PMPCA: variants seen among roughly 807,000 people sequenced by gnomAD.
The protein encoded by PMPCA is mitochondrial-processing peptidase subunit alpha.
Under a neutral mutation model 59.3 loss-of-function variants are expected in PMPCA, and 47 were observed. The observed-to-expected ratio is 0.79, with a 90% CI of 0.63 to 1.01. The LOEUF (loss-of-function observed/expected upper bound fraction) is 1.01, where lower values mean the gene tolerates loss of function less well. Ranked by LOEUF, PMPCA falls within the 50% of genes least tolerant of loss-of-function variation. The pLI is 0.00. For missense variants in PMPCA, 726 were observed against 704.5 expected, an observed-to-expected ratio of 1.03 and a Z score of -0.34; for synonymous variants, 338 against 290.3, an observed-to-expected ratio of 1.16 and a Z score of -1.67.
Position 136,410,744 on chromosome 9 carries a change from G to A in PMPCA, c.71+5G>A. 1 of 1,408,280 alleles carries A rather than the reference G, an allele frequency of 7.1e-7. No individual in the cohort carries two copies. 87.2% of individuals were successfully genotyped at this position (1,408,280 alleles called of 1,614,324 possible). A position where few individuals can be genotyped will look rare whatever the true frequency, so the allele number is the denominator to read the frequency against. ...TTGGGGCTGTTCGCGGCTGAGGTGA[G>A]CCAAAGGCGAACCAGGCTTCGGCCT... On this transcript the variant is annotated splice_donor_5th_base_variant and intron_variant, in intron 1 of 12. Transcript: ENST00000371717.
Position 136,423,354 on chromosome 9 carries a change from C to T in PMPCA, c.*90C>T, listed in dbSNP as rs1318551150. ...TTGGACACGAATTTAGTCTAAAAAG[C>T]TGTCTGGTTGTATAAACGGTGCAAA... On this transcript the variant is annotated 3_prime_UTR_variant, in exon 13 of 13. Coordinates refer to ENST00000371717, the MANE Select transcript of PMPCA (RefSeq NM_015160.3). 7.4e-7 allele frequency: 1 copy of T among 1,358,208 alleles called. No homozygotes were observed. Among genetic ancestry groups the T allele is most frequent in the Non-Finnish European group, 1.0e-6 (1 of 1,001,088 alleles). 84.1% of individuals were successfully genotyped at this position (1,358,208 alleles called of 1,614,324 possible). A position where few individuals can be genotyped will look rare whatever the true frequency, so the allele number is the denominator to read the frequency against.
chr9:136,422,356 GGCTCT>G, intron 12 of PMPCA: 15 of 1,139,912 alleles, frequency 1.3e-5, no homozygotes, highest in Non-Finnish European at 1.6e-5. Flanking sequence ...TACCGTTGCT[GGCTCT>G]CGGGCAGGAG....
At chr9:136,422,851 G>A (rs1449627037) in intron 12 of PMPCA, 1 of 1,322,420 alleles carries the variant, frequency 7.6e-7, no homozygotes, top group South Asian at 2.0e-5. Flanking sequence ...ACTCTTCTTG[G>A]GTGGCTTTGT....
intron 12 of PMPCA, 107 bp from the exon 13 acceptor site, chr9:136,422,988 G>T (rs752797398): frequency 1.3e-4 from 196 of 1,472,784 alleles, no homozygotes; most frequent in Non-Finnish European, 1.6e-4. Context: ...GCAGCACAGC[G>T]TGAGTGAGTG....
intron 12 of PMPCA, chr9:136,422,465 G>C: frequency 9.5e-7 from 1 of 1,053,574 alleles, no homozygotes; most frequent in Non-Finnish European, 1.2e-6. Flanking sequence ...GACTCTTCTG[G>C]GGGACAGGCT....
rs1835507569 is a variant in PMPCA, at chr9:136,423,114, T to C, written c.1428T>C (p.Asp476=). 1.2e-6 allele frequency: 2 copies of C among 1,612,994 alleles called. No individual in the cohort carries two copies. The highest frequency in any genetic ancestry group is 1.7e-6 in the Non-Finnish European group (2 of 1,179,818). ...CTLIRNVKPE[D]VKRVASKMLR... is the part of the protein sequence containing the mutation. ...CACTAGGCAACGTGAAGCCGGAAGA[T>C]GTGAAGAGAGTCGCTTCTAAGATGC... The change falls in exon 13 of 13, where the codon GAT becomes GAC. Residue 476 remains aspartate (D), a synonymous_variant. Coordinates refer to ENST00000371717, the MANE Select transcript of PMPCA (RefSeq NM_015160.3).
chr9:136,417,344 G>T (rs1835311445), intron 7 of PMPCA, 130 bp downstream of exon 7: 1 of 686,518 alleles, frequency 1.5e-6, no homozygotes, highest in Non-Finnish European at 2.4e-6. Flanking sequence ...CTTAACACAT[G>T]CTGTAGTCCC....
intron 11 of PMPCA, among the ~76,000 whole-genome samples, chr9:136,421,364 G>A (rs551856415): frequency 1.1e-4 from 17 of 151,782 alleles, no homozygotes; most frequent in African/African-American, 3.9e-4. Context: ...ACCTGAAGGG[G>A]AGACCAGCAG....
At chr9:136,413,355 G>A (rs1835188275) in intron 4 of PMPCA, among the ~76,000 whole-genome samples, 1 of 152,162 alleles carries the variant, frequency 6.6e-6, no homozygotes, top group African/African-American at 2.4e-5. Flanking sequence ...ACCGAGCCAG[G>A]GAGGTGCCGG....
intron 2 of PMPCA, 99 bp downstream of exon 2, chr9:136,412,298 A>G: frequency 5.2e-6 from 5 of 954,328 alleles, no homozygotes; most frequent in Non-Finnish European, 5.1e-6. Flanking sequence ...TATGAATTGT[A>G]CCCTGAGTGG....
chr9:136,417,623 C>G (rs889706107), intron 7 of PMPCA, among the ~76,000 whole-genome samples: 1 of 152,062 alleles, frequency 6.6e-6, no homozygotes, highest in Non-Finnish European at 1.5e-5. Flanking sequence ...CCACCACGCC[C>G]GGCTAAATTT....
chr9:136,417,769 A>AGGT (rs1835323417), intron 7 of PMPCA, among the ~76,000 whole-genome samples: 1 of 138,848 alleles, frequency 7.2e-6, no homozygotes, highest in Non-Finnish European at 1.6e-5. Flanking sequence ...GTATATACAT[A>AGGT]TGTTTTTTTT....
At chr9:136,416,181 A>T in intron 5 of PMPCA, 110 bp from the exon 6 acceptor site, 4 of 774,206 alleles carry the variant, frequency 5.2e-6, no homozygotes, top group Non-Finnish European at 8.9e-6. Flanking sequence ...GGTGACTGCC[A>T]ACAGCCACCA....
Position 136,410,704 on chromosome 9 carries a change from G to C in PMPCA, c.36G>C (p.Leu12=). ...AAVVLAATRL[L]RGSGSWGCSR... is the part of the protein sequence containing the mutation. ...TGGTGCTGGCGGCGACGCGGTTGCT[G>C]CGGGGCTCGGGTTCTTGGGGCTGTT... Residue 12 remains leucine (L), a synonymous_variant, in exon 1 of 13, where the codon CTG becomes CTC. Coordinates refer to ENST00000371717, the MANE Select transcript of PMPCA (RefSeq NM_015160.3). 1 of 1,419,890 alleles carries C rather than the reference G, an allele frequency of 7.0e-7. No homozygotes were observed. The allele number at this position is 1,419,890 out of a possible 1,614,324, so 88.0% of individuals were successfully genotyped here.
In PMPCA at chr9:136,412,887, A is replaced by G. The variant is rs767789432; in HGVS notation, c.432A>G (p.Thr144=). The G allele has an allele frequency of 3.8e-6, 6 of 1,579,296 alleles. No individual in the cohort carries two copies. The highest frequency in any genetic ancestry group is 3.3e-5 in the South Asian group (3 of 89,872). ...EKHGGICDCQ[T]SRDTTMYAVS... is the part of the protein sequence containing the mutation. ...ATGGGGGTATCTGTGACTGCCAGAC[A>G]TCAAGGTACACCAGCTTTTGTGTAC... Residue 144 remains threonine, a synonymous_variant, in exon 4 of 13, where the codon ACA becomes ACG. Coordinates refer to ENST00000371717, the MANE Select transcript of PMPCA (RefSeq NM_015160.3).
rs893364351 is a variant in PMPCA, at chr9:136,422,978, G to A, written c.1409-117G>A. The A allele has an allele frequency of 3.4e-6, 5 of 1,460,502 alleles. No homozygotes were observed. The African/African-American group carries it at 5.6e-5, about 16-fold the overall frequency. 90.5% of individuals were successfully genotyped at this position (1,460,502 alleles called of 1,614,324 possible). ...CCTTTGGGCCCAGGTGCCCCCATCA[G>A]CAGCACAGCGTGAGTGAGTGGTACA... On this transcript the variant is annotated intron_variant, in intron 12 of 12. Transcript: ENST00000371717.
intron 5 of PMPCA, among the ~76,000 whole-genome samples, chr9:136,415,765 T>C (rs946556058): frequency 6.6e-6 from 1 of 152,220 alleles, no homozygotes; most frequent in Non-Finnish European, 1.5e-5. Flanking sequence ...CCTGAGTAGC[T>C]GGGATTACAG....
intron 4 of PMPCA, among the ~76,000 whole-genome samples, chr9:136,413,549 A>G (rs1167502705): frequency 6.6e-6 from 1 of 152,240 alleles, no homozygotes; most frequent in Non-Finnish European, 1.5e-5. Flanking sequence ...GACACATTAA[A>G]TGCTAAGAAT....
chr9:136,417,511 C>T (rs897849720), intron 7 of PMPCA, among the ~76,000 whole-genome samples: 7 of 150,392 alleles, frequency 4.7e-5, no homozygotes, highest in Admixed American at 4.6e-4. Flanking sequence ...CTCGCTCTGT[C>T]ACCCAGGCTG....
Sources: gnomAD v4.1 joint callset for allele counts (sites outside exome capture counted in the v4.1 genomes callset) on GRCh38, gnomAD v4.1.1 for gene constraint, MANE v1.5 for transcripts, NCBI Gene and HGNC (gene_info 2026-07-23, HGNC 2026-07-21) for gene names.